Variants in TFRC observed in about 807,000 individuals in gnomAD.
TFRC encodes the protein transferrin receptor.
A neutral mutation model predicts 85.8 loss-of-function variants in TFRC; 35 were observed. The ratio of observed to expected loss-of-function variants is 0.41; its 90% CI spans 0.31 to 0.54. The LOEUF is 0.54. Among genes scored for constraint, TFRC ranks in the 20% least tolerant of loss-of-function variants. The pLI is 0.31. For synonymous variants in TFRC, 362 were observed against 328.6 expected (o/e 1.10, Z -1.10); for missense variants, 828 against 921.5 (o/e 0.90, Z 1.31).
chr3:196,069,368 T>A, intron 7 of TFRC, 87 bp downstream of exon 7: 1 of 776,948 alleles, frequency 1.3e-6, no homozygotes, highest in South Asian at 1.7e-5. Context: ...ATTTTCAGAA[T>A]GTAAGAATAT....
intron 6 of TFRC, among the ~76,000 whole-genome samples, chr3:196,070,782 A>ATAATAATAATAT (rs1718126789): frequency 8.1e-6 from 1 of 122,944 alleles, no homozygotes; most frequent in African/African-American, 2.9e-5. Flanking sequence ...CCAAATAATA[A>ATAATAATAATAT]TAATAATAAT....
intron 2 of TFRC, among the ~76,000 whole-genome samples, chr3:196,076,451 CT>C (rs55649226): frequency 0.45 from 59,576 of 132,304 alleles, 13,458 homozygotes; most frequent in Non-Finnish European, 0.57. Context: ...TCAGCCTTTG[CT>C]TTTTTTTTTT....
rs1224199206 is a variant in TFRC at position 196,053,604 on chromosome 3, A to T, written c.1900-46T>A. ...TATGAGAAGTTTTATTTCTAAGGAC[A>T]TTCTTTTGTATGCCTTTCTAATTTA... On this transcript the variant is annotated intron_variant, in intron 17 of 18. Coordinates refer to ENST00000360110, the MANE Select transcript of TFRC (RefSeq NM_001128148.3). 3.7e-6 allele frequency: 6 copies of T among 1,604,046 alleles called. No homozygotes were observed. In the African/African-American group the frequency reaches 8.1e-5, roughly 22 times the overall value.
chr3:196,063,603 G>C (rs1175655233), intron 11 of TFRC, among the ~76,000 whole-genome samples: 1 of 152,144 alleles, frequency 6.6e-6, no homozygotes, highest in African/African-American at 2.4e-5. Flanking sequence ...GTAGGAGTGT[G>C]AAAGAGTGGA....
chr3:196,055,038 G>C (rs372034674), intron 17 of TFRC, 42 bp downstream of exon 17: 1 of 1,574,984 alleles, frequency 6.3e-7, no homozygotes, highest in African/African-American at 1.4e-5. Flanking sequence ...CAAAATACTT[G>C]ACATTCAGCA....
rs1717143954 is a variant in TFRC, at chr3:196,060,058, T to G, written c.1536+122A>C. The G allele has an allele frequency of 4.1e-6, 3 of 727,108 alleles. No individual in the cohort carries two copies. The Admixed American group carries it at 8.6e-5, about 21-fold the overall frequency. 45.0% of individuals were successfully genotyped at this position (727,108 alleles called of 1,614,324 possible). A position where few individuals can be genotyped will look rare whatever the true frequency, so the allele number is the denominator to read the frequency against. ...AAGTATCCCTTAAATAACGCTGCTA[T>G]AAAATTTATTCTCAATTCCTATTTT... On this transcript the variant is annotated intron_variant, in intron 14 of 18. Coordinates refer to ENST00000360110, the MANE Select transcript of TFRC (RefSeq NM_001128148.3).
intron 6 of TFRC, among the ~76,000 whole-genome samples, chr3:196,070,971 A>G (rs912031688): frequency 6.6e-6 from 1 of 152,194 alleles, no homozygotes; most frequent in African/African-American, 2.4e-5. Flanking sequence ...AAGATCAAGC[A>G]TTAACGAATC....
Position 196,055,347 on chromosome 3 carries a change from C to G in TFRC, c.1678-46G>C, listed in dbSNP as rs747142311. The G allele has an allele frequency of 4.0e-6, 6 of 1,516,122 alleles. No homozygotes were observed. The East Asian group carries it at 1.1e-4, about 29-fold the overall frequency. 93.9% of individuals were successfully genotyped at this position (1,516,122 alleles called of 1,614,324 possible). The stretch of plus-strand genomic sequence containing the variant: ...ATGGTACTCACGTGAGTTCTAAGAG[C>G]AAGAGCCTCACATTCTGGCTTCGCC... On this transcript the variant is annotated intron_variant, in intron 16 of 18. Transcript: ENST00000360110.
chr3:196,055,402 C>G (rs1716698807), intron 16 of TFRC, 101 bp from the exon 17 acceptor site: 2 of 951,472 alleles, frequency 2.1e-6, no homozygotes, highest in African/African-American at 3.2e-5. Context: ...CAGTTCCACC[C>G]TTGCTTCTAA....
At chr3:196,073,471 G>A (rs1271845792) in intron 4 of TFRC, among the ~76,000 whole-genome samples, 1 of 151,980 alleles carries the variant, frequency 6.6e-6, no homozygotes, top group Non-Finnish European at 1.5e-5. Flanking sequence ...TAATGGGTGA[G>A]TATCACAGAA....
chr3:196,052,248 C>T, intron 18 of TFRC, 64 bp from the exon 19 acceptor site: 1 of 1,394,642 alleles, frequency 7.2e-7, no homozygotes, highest in Non-Finnish European at 9.8e-7. Flanking sequence ...AACAACAGTT[C>T]ACTTCAAATG....
At position 196,062,904 on chromosome 3, in the gene TFRC, T is replaced by C. The variant is rs1449468693; in HGVS notation, c.1354A>G (p.Ser452Gly). ...GATCCAAAGTCTCCAGCACTCCAAC[T>C]GGCAAAGATAATGCTTCTGCTGGGC... is the stretch of plus-strand genomic sequence containing the variant. ...FQPSRSIIFA[S>G]WSAGDFGSVG... is the part of the protein sequence containing the mutation. Residue 452 changes from serine to glycine, a missense_variant, in exon 12 of 19, where the codon AGT becomes GGT. Coordinates refer to ENST00000360110, the MANE Select transcript of TFRC (RefSeq NM_001128148.3). The C allele has an allele frequency of 6.2e-7, 1 of 1,614,088 alleles. No homozygotes were observed. The highest frequency in any genetic ancestry group is 8.5e-7 in the Non-Finnish European group (1 of 1,180,020).
Position 196,067,609 on chromosome 3 carries a change from T to C in TFRC, c.949A>G (p.Asn317Asp), listed in dbSNP as rs1189882171. The change falls in exon 9 of 19, where the codon AAT becomes GAT. Residue 317 changes from asparagine (N) to aspartate (D), a missense_variant. By Grantham distance (23) the Asn-to-Asp change is conservative. Transcript: ENST00000360110. ...CGAGATGGTGGAAACTGAGTGTGAT[T>C]GAAGGAAGGGAATCCAGGTGTGTAA... is the stretch of plus-strand genomic sequence containing the variant. ...DPYTPGFPSF[N>D]HTQFPPSRSS... 6.2e-6 allele frequency: 10 copies of C among 1,614,074 alleles called. No homozygotes were observed. Among genetic ancestry groups the C allele is most frequent in the Non-Finnish European group, 8.5e-6 (10 of 1,180,014 alleles).
chr3:196,060,569 C>CTTT (rs1560073117), intron 13 of TFRC: 3 of 221,134 alleles, frequency 1.4e-5, no homozygotes, highest in East Asian at 2.5e-4. Flanking sequence ...GAGGCCCAGA[C>CTTT]GGGTGGATCA....
intron 18 of TFRC, among the ~76,000 whole-genome samples, chr3:196,052,424 T>A (rs1015599359): frequency 3.4e-4 from 52 of 151,108 alleles, no homozygotes; most frequent in Non-Finnish European, 7.4e-5. Context: ...GGATTACAGG[T>A]GTGAGCCACC....
At chr3:196,065,716 G>A in intron 9 of TFRC, 116 bp from the exon 10 acceptor site, 2 of 1,166,670 alleles carry the variant, frequency 1.7e-6, no homozygotes, top group Non-Finnish European at 1.2e-6. Context: ...TCTCAGCCCG[G>A]CGAAGTGGCT....
intron 10 of TFRC, 42 bp downstream of exon 10, chr3:196,065,401 C>G (rs374302579): frequency 4.3e-5 from 44 of 1,025,508 alleles, no homozygotes; most frequent in Non-Finnish European, 5.6e-5. Context: ...GAAAAGAAAA[C>G]AAAAAAAAAG....
At chr3:196,074,407 G>C in intron 3 of TFRC, 1 of 252,264 alleles carries the variant, frequency 4.0e-6, no homozygotes, top group Non-Finnish European at 7.5e-6. Flanking sequence ...GTGTCCTGCG[G>C]ATATTTTCTA....
intron 8 of TFRC, 98 bp downstream of exon 8, chr3:196,067,934 G>C (rs758499185): frequency 3.1e-6 from 3 of 969,640 alleles, no homozygotes; most frequent in Non-Finnish European, 4.6e-6. Context: ...CCAGAAAAAA[G>C]AGCAGTTAAG....
Sources: allele counts gnomAD v4.1 joint callset (sites outside exome capture counted in the v4.1 genomes callset), GRCh38; gene constraint gnomAD v4.1.1; transcripts MANE v1.5; gene names NCBI Gene and HGNC (gene_info 2026-07-23, HGNC 2026-07-21).